TRAPPC3: variants seen among roughly 807,000 people sequenced by gnomAD.
TRAPPC3 encodes the protein trafficking protein particle complex 3.
A neutral mutation model predicts 18.2 loss-of-function variants in TRAPPC3; 5 were observed. That is an observed-to-expected ratio of 0.28 (90% CI 0.14 to 0.58). The LOEUF (loss-of-function observed/expected upper bound fraction) is 0.58, where lower values mean the gene tolerates loss of function less well. Among genes scored for constraint, TRAPPC3 ranks in the 20% least tolerant of loss-of-function variants. The pLI, the probability that TRAPPC3 is intolerant of heterozygous loss-of-function variation, is 0.91. For missense variants in TRAPPC3, 176 were observed against 225.9 expected (o/e 0.78, Z 1.41); for synonymous variants, 65 against 84.2 (o/e 0.77, Z 1.25).
chr1:36,141,238 G>C (rs953010420), intron 1 of TRAPPC3, among the ~76,000 whole-genome samples: 1 of 152,180 alleles, frequency 6.6e-6, no homozygotes, highest in African/African-American at 2.4e-5. Context: ...CAAGACTGAA[G>C]AATGAAAGCA....
At chr1:36,148,221 G>A (rs986409575) in intron 1 of TRAPPC3, among the ~76,000 whole-genome samples, 2 of 152,128 alleles carry the variant, frequency 1.3e-5, no homozygotes, top group African/African-American at 4.8e-5. Flanking sequence ...AGCACTTTGG[G>A]AGCCTGAACA....
intron 1 of TRAPPC3, among the ~76,000 whole-genome samples, chr1:36,148,735 C>T (rs1644236402): frequency 6.6e-6 from 1 of 152,222 alleles, no homozygotes; most frequent in Non-Finnish European, 1.5e-5. Flanking sequence ...AGGGGCACCA[C>T]TCACTGCTTA....
Position 36,149,321 on chromosome 1 carries a change from A to T in TRAPPC3, c.42+16T>A. On this transcript the variant is annotated intron_variant, in intron 1 of 4. Transcript: ENST00000373166. ...CAATTTCGCCCCGCCCGCCGAGGTCACGCGCTCCAAGTTACCATTTTCTTG... is the reference window on the plus strand; with the variant it reads ...CAATTTCGCCCCGCCCGCCGAGGTCTCGCGCTCCAAGTTACCATTTTCTTG... 6.2e-7 allele frequency: 1 copy of T among 1,612,432 alleles called. No individual in the cohort carries two copies. The highest frequency in any genetic ancestry group is 8.5e-7 in the Non-Finnish European group (1 of 1,179,624).
chr1:36,153,655 C>T (rs1246223037), upstream of TRAPPC3, among the ~76,000 whole-genome samples: 2 of 152,152 alleles, frequency 1.3e-5, no homozygotes, highest in East Asian at 3.9e-4. Context: ...GGCTTCTACG[C>T]GGTAGCTGCC....
At chr1:36,137,441 C>A in intron 4 of TRAPPC3, 119 bp from the exon 5 acceptor site, 2 of 1,074,988 alleles carry the variant, frequency 1.9e-6, no homozygotes, top group Non-Finnish European at 2.7e-6. Flanking sequence ...TGGTTTCCCA[C>A]AAGGACAAGA....
chr1:36,138,809 T>A (rs1644063184), intron 3 of TRAPPC3, among the ~76,000 whole-genome samples: 1 of 152,008 alleles, frequency 6.6e-6, no homozygotes, highest in Non-Finnish European at 1.5e-5. Flanking sequence ...GGTGGGCAGA[T>A]CACCTGAGGT....
At chr1:36,142,813 C>G (rs1033890) in intron 1 of TRAPPC3, among the ~76,000 whole-genome samples, 1 of 151,844 alleles carries the variant, frequency 6.6e-6, no homozygotes, top group South Asian at 2.1e-4. Context: ...AAGGATCACT[C>G]GAGCCCAGGA....
At chr1:36,142,091 T>A (rs1242840296) in intron 1 of TRAPPC3, among the ~76,000 whole-genome samples, 2 of 151,440 alleles carry the variant, frequency 1.3e-5, no homozygotes, top group Non-Finnish European at 2.9e-5. Context: ...TCCCCACAAC[T>A]GTAGTATTAA....
upstream of TRAPPC3, among the ~76,000 whole-genome samples, chr1:36,153,856 C>T (rs1644290628): frequency 6.6e-6 from 1 of 152,174 alleles, no homozygotes; most frequent in South Asian, 2.1e-4. Context: ...CTCACCCTTC[C>T]TCTACTGAAA....
chr1:36,149,442 G>T lies in TRAPPC3; in HGVS notation c.-64C>A, dbSNP rs1644250137. 1.3e-6 allele frequency: 2 copies of T among 1,592,818 alleles called. No individual in the cohort carries two copies. Among genetic ancestry groups the T allele is most frequent in the Non-Finnish European group, 1.7e-6 (2 of 1,169,156 alleles). On this transcript the variant is annotated 5_prime_UTR_variant, in exon 1 of 5. Transcript: ENST00000373166. ...TAGCTCGGCGACCCCTGCAGACGCC[G>T]GAGCCTAAGCCGCTGCCCCTCAGCC...
At chr1:36,148,167 T>G (rs1644227955) in intron 1 of TRAPPC3, among the ~76,000 whole-genome samples, 1 of 152,200 alleles carries the variant, frequency 6.6e-6, no homozygotes, top group African/African-American at 2.4e-5. Context: ...TAACAAAATA[T>G]TCTCGTCTTT....
upstream of TRAPPC3, among the ~76,000 whole-genome samples, chr1:36,153,632 A>C (rs952182301): frequency 1.1e-4 from 16 of 152,210 alleles, no homozygotes; most frequent in Non-Finnish European, 1.5e-4. Context: ...GTAGGATGGT[A>C]AACAGCATCC....
intron 4 of TRAPPC3, 70 bp from the exon 5 acceptor site, chr1:36,137,392 G>A (rs539704326): frequency 4.6e-6 from 7 of 1,516,752 alleles, no homozygotes; most frequent in South Asian, 2.3e-5. Context: ...TGGGGATGGG[G>A]CATAACTGAC....
rs754502416 is a variant in TRAPPC3 at position 36,137,874 on chromosome 1, A to G, written c.345T>C (p.Phe115=). 4 of 1,614,234 alleles carry G rather than the reference A, an allele frequency of 2.5e-6. No individual in the cohort carries two copies. Among genetic ancestry groups the G allele is most frequent in the East Asian group, 2.2e-5 (1 of 44,890 alleles). Residue 115 remains phenylalanine (F), a synonymous_variant, in exon 4 of 5, where the codon TTT becomes TTC. Coordinates refer to ENST00000373166, the MANE Select transcript of TRAPPC3 (RefSeq NM_014408.5). ...ATGAGTGGTTATCAGGAAGTTCCAC[A>G]AAGTCCACCAAGGGGTTATTTTCCA... The part of the protein sequence containing the change: ...LILENNPLVD[F]VELPDNHSSL...
upstream of TRAPPC3, among the ~76,000 whole-genome samples, chr1:36,152,514 T>C (rs1471594729): frequency 6.6e-6 from 1 of 152,124 alleles, no homozygotes; most frequent in Non-Finnish European, 1.5e-5. Flanking sequence ...TTCGACATGT[T>C]GGCCAGGTTG....
chr1:36,140,206 A>C (rs769455514), intron 1 of TRAPPC3, 40 bp from the exon 2 acceptor site: 3 of 1,368,492 alleles, frequency 2.2e-6, no homozygotes, highest in Non-Finnish European at 3.0e-6. Flanking sequence ...CAAGCAGCAC[A>C]AAAGAGAAAG....
At chr1:36,148,194 C>T (rs1644228428) in intron 1 of TRAPPC3, among the ~76,000 whole-genome samples, 1 of 152,208 alleles carries the variant, frequency 6.6e-6, no homozygotes, top group South Asian at 2.1e-4. Flanking sequence ...GGTGTGGTGG[C>T]TCACCCCTGT....
chr1:36,141,298 C>A (rs72661688), intron 1 of TRAPPC3, among the ~76,000 whole-genome samples: 173 of 152,316 alleles, frequency 1.1e-3, no homozygotes, highest in Non-Finnish European at 1.8e-3. Context: ...AACATATTAA[C>A]AGCACATCTG....
intron 4 of TRAPPC3, 147 bp downstream of exon 4, chr1:36,137,649 G>T: frequency 1.2e-6 from 1 of 861,108 alleles, no homozygotes; most frequent in Non-Finnish European, 1.8e-6. Flanking sequence ...TGTCCGACTT[G>T]GATCCTACCT....
Sources: allele counts gnomAD v4.1 joint callset (sites outside exome capture counted in the v4.1 genomes callset), GRCh38; gene constraint gnomAD v4.1.1; transcripts MANE v1.5; gene names NCBI Gene and HGNC (gene_info 2026-07-23, HGNC 2026-07-21).